Variants in ABI3BP observed in about 807,000 individuals in gnomAD.
The protein encoded by ABI3BP is ABI family member 3 binding protein.
ABI3BP carries 216 observed loss-of-function variants against 268.6 expected under a neutral mutation model. The ratio of observed to expected loss-of-function variants is 0.80; its 90% CI spans 0.72 to 0.90. The LOEUF is 0.90. Ranked by LOEUF, ABI3BP falls within the 40% of genes least tolerant of loss-of-function variation. The pLI, the probability that ABI3BP is intolerant of heterozygous loss-of-function variation, is 0.00. For synonymous variants in ABI3BP, 730 were observed against 730.0 expected (o/e 1.00, Z 0.00); for missense variants, 2,090 against 2,182.4 (o/e 0.96, Z 0.84).
chr3:100,877,476 C>T (rs2099172212), intron 6 of ABI3BP, among the ~76,000 whole-genome samples: 1 of 152,142 alleles, frequency 6.6e-6, no homozygotes. Flanking sequence ...AGGACATATC[C>T]CAGAGGACTC....
At chr3:100,851,772 A>G in intron 15 of ABI3BP, 103 bp downstream of exon 15, 1 of 940,542 alleles carries the variant, frequency 1.1e-6, no homozygotes, top group South Asian at 1.7e-5. Flanking sequence ...TCCCATGCAG[A>G]GCTCCAGAGG....
At chr3:100,843,660 A>G in intron 20 of ABI3BP, 2 of 984,386 alleles carry the variant, frequency 2.0e-6, no homozygotes, top group Non-Finnish European at 2.4e-6. Context: ...AGGGAATTGT[A>G]TGTGTAAGGG....
At chr3:100,766,015 G>T in intron 62 of ABI3BP, 66 bp from the exon 63 acceptor site, 1 of 1,242,234 alleles carries the variant, frequency 8.1e-7, no homozygotes, top group Non-Finnish European at 1.1e-6. Flanking sequence ...TGCTCCTGAA[G>T]CTAATAGCAT....
rs757843807 is a variant in ABI3BP at position 100,898,839 on chromosome 3, G to C, written c.384C>G (p.Ser128Arg). 8 of 1,613,630 alleles carry C rather than the reference G, an allele frequency of 5.0e-6. No individual in the cohort carries two copies. In the East Asian group the frequency reaches 1.1e-4, roughly 22 times the overall value. The change falls in exon 4 of 68, where the codon AGC (serine) becomes AGG (arginine). Residue 128 changes from serine (S) to arginine (R), a missense_variant. Physicochemically the swap from Ser to Arg is moderately radical, Grantham distance 110. Coordinates refer to ENST00000471714, the MANE Select transcript of ABI3BP (RefSeq NM_001375547.2). ...GGAAACCCCAGGACAGGAAGACCGAGCTCGGTGTCAGAGTGCCAACCACCA... is the reference window on the plus strand; with the variant it reads ...GGAAACCCCAGGACAGGAAGACCGACCTCGGTGTCAGAGTGCCAACCACCA... ...LQLVVGTLTPSSVFLSWGFLI... is the reference protein window; with the variant it reads ...LQLVVGTLTPRSVFLSWGFLI...
At chr3:100,778,448 T>A in intron 58 of ABI3BP, 72 bp from the exon 59 acceptor site, 2 of 1,358,362 alleles carry the variant, frequency 1.5e-6, no homozygotes, top group South Asian at 2.7e-5. Flanking sequence ...AAAAACAGGG[T>A]TTTTAAAAAT....
chr3:100,933,962 A>G (rs2064809433), intron 1 of ABI3BP, among the ~76,000 whole-genome samples: 1 of 151,656 alleles, frequency 6.6e-6, no homozygotes. Context: ...CAATAGAGTG[A>G]TTTTCTTTGT....
intron 51 of ABI3BP, among the ~76,000 whole-genome samples, chr3:100,798,014 T>A (rs898233469): frequency 6.6e-6 from 1 of 152,088 alleles, no homozygotes; most frequent in Non-Finnish European, 1.5e-5. Context: ...TTGATTTAGC[T>A]CTGTGAAGGC....
At position 100,830,727 on chromosome 3, in the gene ABI3BP, G is replaced by A. The variant is rs943579455; in HGVS notation, c.2402-93C>T. On this transcript the variant is annotated intron_variant, in intron 31 of 67. Coordinates refer to ENST00000471714, the MANE Select transcript of ABI3BP (RefSeq NM_001375547.2). Reference sequence around the variant, plus strand: ...TACCACCAAAAATCGGATTTCTAAGGCTGCAAAATTAATTCTTAATATCAT... The same window carrying A: ...TACCACCAAAAATCGGATTTCTAAGACTGCAAAATTAATTCTTAATATCAT... The A allele has an allele frequency of 2.9e-6, 3 of 1,020,632 alleles. No individual in the cohort carries two copies. The African/African-American group carries it at 4.8e-5, about 16-fold the overall frequency. 63.2% of individuals were successfully genotyped at this position (1,020,632 alleles called of 1,614,324 possible). A position where few individuals can be genotyped will look rare whatever the true frequency, so the allele number is the denominator to read the frequency against.
chr3:100,840,214 C>G (rs769716228), intron 22 of ABI3BP, 50 bp from the exon 23 acceptor site: 14 of 1,343,800 alleles, frequency 1.0e-5, no homozygotes, highest in Non-Finnish European at 1.4e-5. Context: ...GATTTACAAA[C>G]TGATGATAAA....
intron 1 of ABI3BP, among the ~76,000 whole-genome samples, chr3:100,976,275 C>A (rs1392051227): frequency 6.6e-6 from 1 of 152,120 alleles, no homozygotes; most frequent in Non-Finnish European, 1.5e-5. Context: ...TCACCCTTCA[C>A]AGAGGGTGCA....
intron 1 of ABI3BP, among the ~76,000 whole-genome samples, chr3:100,989,985 G>A (rs1320830857): frequency 6.6e-6 from 1 of 152,162 alleles, no homozygotes; most frequent in Non-Finnish European, 1.5e-5. Context: ...ACAAATCCCT[G>A]TGGAAAAGCT....
rs190696577 is a variant in ABI3BP, at chr3:100,809,028, G to A, written c.3608-793C>T. ...TAAGAAAAACTTGCTGAAAATAAGA[G>A]TTATTTGACACCAGAAGTTTCTGAA... On this transcript the variant is annotated intron_variant, in intron 49 of 67. Transcript: ENST00000471714. Among the ~76,000 whole-genome samples, 133 of 152,134 alleles carry A rather than the reference G, an allele frequency of 8.7e-4. 1 individual carries two copies. Among genetic ancestry groups the A allele is most frequent in the Admixed American group, 8.5e-3 (129 of 15,224 alleles).
chr3:100,851,678 C>CTTA (rs1392169786), intron 15 of ABI3BP, among the ~76,000 whole-genome samples, 197 bp downstream of exon 15: 4 of 152,190 alleles, frequency 2.6e-5, no homozygotes, highest in African/African-American at 9.6e-5. Flanking sequence ...TGTGACAGAG[C>CTTA]TTATTTACTG....
chr3:100,778,451 T>A (rs1490267629), intron 58 of ABI3BP, 75 bp from the exon 59 acceptor site: 1 of 1,343,988 alleles, frequency 7.4e-7, no homozygotes, highest in Non-Finnish European at 1.0e-6. Flanking sequence ...AACAGGGTTT[T>A]TAAAAATAAA....
intron 1 of ABI3BP, among the ~76,000 whole-genome samples, chr3:100,963,123 T>C (rs2079756257): frequency 6.6e-6 from 1 of 152,154 alleles, no homozygotes; most frequent in Non-Finnish European, 1.5e-5. Context: ...CATTTAATCT[T>C]CATTATAGCT....
At chr3:100,847,574 A>T (rs776955632) in intron 19 of ABI3BP, 28 bp downstream of exon 19, 1 of 1,565,698 alleles carries the variant, frequency 6.4e-7, no homozygotes, top group South Asian at 1.1e-5. Flanking sequence ...ATGAAGCAAC[A>T]CATCTACTAA....
chr3:100,770,754 T>C lies in ABI3BP; in HGVS notation c.4730A>G (p.Asp1577Gly). Reference protein sequence around the residue: ...VILDWEKPLNDTVTEYEVISR... With the variant: ...VILDWEKPLNGTVTEYEVISR... ...TGCCATGATCTTACCAGTGACAGTG[T>C]CATTTAGTGGCTTTTCCCAGTCCAA... is the stretch of plus-strand genomic sequence containing the variant. Residue 1577 changes from aspartate (D) to glycine (G), a missense_variant, in exon 62 of 68, where the codon GAC (aspartate) becomes GGC (glycine). Coordinates refer to ENST00000471714, the MANE Select transcript of ABI3BP (RefSeq NM_001375547.2). 6.7e-7 allele frequency: 1 copy of C among 1,502,396 alleles called. No individual in the cohort carries two copies. The highest frequency in any genetic ancestry group is 8.9e-7 in the Non-Finnish European group (1 of 1,122,614). The allele number at this position is 1,502,396 out of a possible 1,614,324, so 93.1% of individuals were successfully genotyped here. A position where few individuals can be genotyped will look rare whatever the true frequency, so the allele number is the denominator to read the frequency against.
At chr3:100,845,575 G>A (rs2098756747) in intron 20 of ABI3BP, among the ~76,000 whole-genome samples, 2 of 152,166 alleles carry the variant, frequency 1.3e-5, no homozygotes, top group South Asian at 4.1e-4. Flanking sequence ...GCCATTAATG[G>A]AAATGCAAGT....
intron 17 of ABI3BP, among the ~76,000 whole-genome samples, chr3:100,849,319 G>A (rs965501015): frequency 3.4e-5 from 5 of 146,414 alleles, no homozygotes; most frequent in Admixed American, 7.1e-5. Context: ...TTGGTTTCCC[G>A]AGTTCAAGCA....
Sources: gnomAD v4.1 joint callset for allele counts (sites outside exome capture counted in the v4.1 genomes callset) on GRCh38, gnomAD v4.1.1 for gene constraint, MANE v1.5 for transcripts, NCBI Gene and HGNC (gene_info 2026-07-23, HGNC 2026-07-21) for gene names.